The following GRIA2 variants were observed in gnomAD, a reference collection of about 807,000 sequenced individuals.
GRIA2 encodes glutamate receptor 2.
GRIA2 carries 14 observed loss-of-function variants against 97.3 expected under a neutral mutation model. That is an observed-to-expected ratio of 0.14 (90% CI 0.10 to 0.23). The LOEUF is 0.23. GRIA2 is among the 10% of genes least tolerant of loss of function. GRIA2 has a pLI of 1.00. For synonymous variants in GRIA2, 412 were observed against 387.8 expected (o/e 1.06, Z -0.73); for missense variants, 558 against 1,069.8 (o/e 0.52, Z 6.67).
At chr4:157,234,444 A>T (rs868197795) in intron 2 of GRIA2, among the ~76,000 whole-genome samples, 1 of 152,088 alleles carries the variant, frequency 6.6e-6, no homozygotes, top group Non-Finnish European at 1.5e-5. Context: ...AAGAATTTTG[A>T]TGTGTTCTTG....
At chr4:157,246,447 T>C (rs1730736283) in intron 2 of GRIA2, among the ~76,000 whole-genome samples, 1 of 152,038 alleles carries the variant, frequency 6.6e-6, no homozygotes. Context: ...CATGAAAAAA[T>C]GTCTGTTAAA....
chr4:157,252,095 C>A (rs1731045920), intron 2 of GRIA2, among the ~76,000 whole-genome samples: 1 of 152,056 alleles, frequency 6.6e-6, no homozygotes, highest in Non-Finnish European at 1.5e-5. Context: ...CAAAACAAAA[C>A]AATTTTGCTT....
At chr4:157,295,633 T>C (rs750522103) in intron 2 of GRIA2, among the ~76,000 whole-genome samples, 1 of 152,110 alleles carries the variant, frequency 6.6e-6, no homozygotes, top group Non-Finnish European at 1.5e-5. Context: ...TTTCTGTCCA[T>C]AGATAGGAAA....
At chr4:157,236,776 A>ATG (rs1161391034) in intron 2 of GRIA2, among the ~76,000 whole-genome samples, 1 of 152,058 alleles carries the variant, frequency 6.6e-6, no homozygotes, top group African/African-American at 2.4e-5. Context: ...ATTTCTATGT[A>ATG]TGTGTGTGTG....
At chr4:157,303,157 A>G (rs1733688709) in intron 2 of GRIA2, among the ~76,000 whole-genome samples, 1 of 152,148 alleles carries the variant, frequency 6.6e-6, no homozygotes, top group African/African-American at 2.4e-5. Flanking sequence ...TACAGTAAAG[A>G]TTTTTAAAGG....
At chr4:157,356,214 TATAG>T (rs1465211210) in intron 12 of GRIA2, among the ~76,000 whole-genome samples, 2 of 136,786 alleles carry the variant, frequency 1.5e-5, no homozygotes. Flanking sequence ...TATATATTTA[TATAG>T]AGAGAGAGAG....
rs565136452 is a variant in GRIA2, at chr4:157,278,296, A to T, written c.230-25256A>T. ...TAGACAAATAGATTATTGGAACAGA[A>T]TAGAGAGCCCAGCAATAGACTCATA... On this transcript the variant is annotated intron_variant, in intron 2 of 15. Coordinates refer to ENST00000264426, the MANE Select transcript of GRIA2 (RefSeq NM_001083619.3). Among the ~76,000 whole-genome samples, 7 of 152,070 alleles carry T rather than the reference A, an allele frequency of 4.6e-5. No individual in the cohort carries two copies. In the South Asian group the frequency reaches 6.2e-4, roughly 14 times the overall value.
chr4:157,275,052 T>C (rs1377254340), intron 2 of GRIA2, among the ~76,000 whole-genome samples: 3 of 152,032 alleles, frequency 2.0e-5, no homozygotes, highest in Non-Finnish European at 4.4e-5. Flanking sequence ...TTTTTAATGA[T>C]TGCCATTCTA....
At chr4:157,336,316 A>G in intron 10 of GRIA2, 61 bp from the exon 11 acceptor site, 1 of 1,335,754 alleles carries the variant, frequency 7.5e-7, no homozygotes, top group Non-Finnish European at 1.0e-6. Context: ...CAGTGACATA[A>G]CCACGATTCC....
chr4:157,327,475 C>T (rs1734854740), intron 6 of GRIA2, among the ~76,000 whole-genome samples: 1 of 152,078 alleles, frequency 6.6e-6, no homozygotes, highest in African/African-American at 2.4e-5. Context: ...AATATTAAAA[C>T]AGTCATTTTA....
intron 3 of GRIA2, among the ~76,000 whole-genome samples, chr4:157,308,855 T>C (rs1360212107): frequency 2.0e-5 from 3 of 152,160 alleles, no homozygotes; most frequent in Non-Finnish European, 4.4e-5. Context: ...GTTTGAAGAG[T>C]TTAATTTCAC....
At chr4:157,292,410 A>G (rs1733147025) in intron 2 of GRIA2, among the ~76,000 whole-genome samples, 1 of 152,056 alleles carries the variant, frequency 6.6e-6, no homozygotes, top group African/African-American at 2.4e-5. Context: ...GAAGAATTTA[A>G]TGTAAAAGGG....
intron 2 of GRIA2, among the ~76,000 whole-genome samples, chr4:157,228,559 G>A (rs979788485): frequency 2.6e-5 from 4 of 152,016 alleles, no homozygotes; most frequent in Non-Finnish European, 5.9e-5. Flanking sequence ...TTGGGTGGCC[G>A]AGGCGGGTGG....
At chr4:157,255,810 A>C (rs1218622255) in intron 2 of GRIA2, among the ~76,000 whole-genome samples, 1 of 151,888 alleles carries the variant, frequency 6.6e-6, no homozygotes, top group East Asian at 1.9e-4. Flanking sequence ...CAACCATAAC[A>C]TAAAAACCAA....
intron 4 of GRIA2, among the ~76,000 whole-genome samples, chr4:157,316,570 C>G (rs2126894559): frequency 6.6e-6 from 1 of 151,992 alleles, no homozygotes; most frequent in South Asian, 2.1e-4. Context: ...TCCAAGCAGA[C>G]AAGCAGAGGA....
intron 2 of GRIA2, among the ~76,000 whole-genome samples, chr4:157,239,400 T>C (rs541342372): frequency 2.0e-5 from 3 of 152,168 alleles, no homozygotes; most frequent in Non-Finnish European, 4.4e-5. Context: ...CCCTCTGATA[T>C]ATCTGCAAAT....
At chr4:157,305,843 A>G (rs1733818436) in intron 3 of GRIA2, among the ~76,000 whole-genome samples, 1 of 152,068 alleles carries the variant, frequency 6.6e-6, no homozygotes, top group African/African-American at 2.4e-5. Flanking sequence ...TGTTCCAGGG[A>G]CTGTCTTAGT....
At chr4:157,298,726 G>C (rs573621963) in intron 2 of GRIA2, among the ~76,000 whole-genome samples, 1 of 139,096 alleles carries the variant, frequency 7.2e-6, no homozygotes, top group South Asian at 2.4e-4. Context: ...ATAAAATTCC[G>C]TTTTTTTCCT....
Position 157,285,554 on chromosome 4 carries a change from T to C in GRIA2, c.230-17998T>C, listed in dbSNP as rs558646382. On this transcript the variant is annotated intron_variant, in intron 2 of 15. Transcript: ENST00000264426. ...GATTTAGTTTTTAGCCTACCTATAA[T>C]ATTTGTGTGTGTGTGTGTGTGTGTG... is the stretch of plus-strand genomic sequence containing the variant. Among the ~76,000 whole-genome samples, 3 of 147,188 alleles carry C rather than the reference T, an allele frequency of 2.0e-5. No individual in the cohort carries two copies. The South Asian group carries it at 6.4e-4, about 31-fold the overall frequency.
Sources: gnomAD v4.1 joint callset for allele counts (sites outside exome capture counted in the v4.1 genomes callset) on GRCh38, gnomAD v4.1.1 for gene constraint, MANE v1.5 for transcripts, NCBI Gene and HGNC (gene_info 2026-07-23, HGNC 2026-07-21) for gene names.